Variants in KLHL34 observed in about 807,000 individuals in gnomAD.
KLHL34 encodes kelch like family member 34.
In KLHL34, 24 loss-of-function variants were observed where a neutral mutation model predicts 23.8. The ratio of observed to expected loss-of-function variants is 1.01; its 90% confidence interval spans 0.73 to 1.42. The LOEUF (loss-of-function observed/expected upper bound fraction) is 1.42. KLHL34 is among the 40% of genes most tolerant of loss of function. KLHL34 has a pLI of 0.00. For synonymous variants in KLHL34, 303 were observed against 287.9 expected (o/e 1.05, Z -0.53); for missense variants, 652 against 595.1 (o/e 1.10, Z -0.99).
At position 21,657,515 on chromosome X, in the gene KLHL34, G is replaced by C. The variant is rs1176094261; in HGVS notation, c.274C>G (p.Leu92Val). ...RLLDFIYTAW[L>V]SLSMDTVEDT... ...TCTACAGTGTCCATGGAAAGCGACA[G>C]CCAGGCAGTGTAGATGAAGTCCAGC... The change falls in exon 1 of 1, where the codon CTG (leucine) becomes GTG (valine). Residue 92 changes from leucine to valine, a missense_variant. Physicochemically the swap from Leu to Val is conservative, Grantham distance 32. Coordinates refer to ENST00000379499, the MANE Select transcript of KLHL34 (RefSeq NM_153270.3). 1.7e-6 allele frequency: 2 copies of C among 1,211,618 alleles called. No individual in the cohort carries two copies. Among genetic ancestry groups the C allele is most frequent in the South Asian group, 3.5e-5 (2 of 56,964 alleles).
Position 21,655,613 on chromosome X carries a change from C to A in KLHL34, c.*241G>T. On this transcript the variant is annotated 3_prime_UTR_variant, in exon 1 of 1. Transcript: ENST00000379499. ...TTGCGTGAGCCTTTCTAAAAATTTT[C>A]TTTCACCAGCTCACTGAAGTTGATT... The A allele has an allele frequency of 5.3e-6, 2 of 380,409 alleles. No homozygotes were observed. Among genetic ancestry groups the A allele is most frequent in the Non-Finnish European group, 4.1e-6 (1 of 245,711 alleles). The allele number at this position is 380,409 out of a possible 1,213,427, so 31.3% of individuals were successfully genotyped here.
chrX:21,655,901 C>A lies in KLHL34; in HGVS notation c.1888G>T (p.Glu630Ter). Reference protein sequence around the residue: ...VLQLAEGGDDEREGEVGEALD... With the variant: ...VLQLAEGGDD The stretch of plus-strand genomic sequence containing the variant: ...GCCTCTCCAACCTCTCCCTCCCTCT[C>A]GTCGTCCCCACCCTCGGCCAGCTGC... The change falls in exon 1 of 1, where the codon GAG (glutamate) becomes TAG (stop). Residue 630 changes from glutamate (E) to a stop codon, truncating the protein, a stop_gained. Transcript: ENST00000379499. LOFTEE classifies it low-confidence loss of function (END_TRUNC). 1 of 1,205,999 alleles carries A rather than the reference C, an allele frequency of 8.3e-7. No individual in the cohort carries two copies. The highest frequency in any genetic ancestry group is 1.1e-6 in the Non-Finnish European group (1 of 892,046).
At position 21,656,605 on chromosome X, in the gene KLHL34, A is replaced by G. The variant is rs1376533870; in HGVS notation, c.1184T>C (p.Val395Ala). Residue 395 changes from valine (V) to alanine (A), a missense_variant, in exon 1 of 1, where the codon GTG becomes GCG. Val to Ala is a moderately conservative substitution (Grantham distance 64). Transcript: ENST00000379499. The stretch of plus-strand genomic sequence containing the variant: ...GTGGAAGCGCGGGTCGTAACGGTGC[A>G]CTTGGGCCGTGACCACCCGCGAGTC... The part of the protein sequence containing the change: ...ADDSRVVTAQ[V>A]HRYDPRFHAW... The G allele has an allele frequency of 2.1e-5, 25 of 1,208,124 alleles. 1 individual carries two copies. The highest frequency in any genetic ancestry group is 3.4e-6 in the Non-Finnish European group (3 of 894,506).
Position 21,657,721 on chromosome X carries a change from C to G in KLHL34, c.68G>C (p.Arg23Pro), listed in dbSNP as rs1305544985. 1.7e-6 allele frequency: 2 copies of G among 1,202,579 alleles called. No homozygotes were observed. The highest frequency in any genetic ancestry group is 2.2e-6 in the Non-Finnish European group (2 of 893,634). The change falls in exon 1 of 1, where the codon CGC becomes CCC. Residue 23 changes from arginine to proline, a missense_variant. By Grantham distance (103) the Arg-to-Pro change is moderately radical. Coordinates refer to ENST00000379499, the MANE Select transcript of KLHL34 (RefSeq NM_153270.3). ...GALLTGYQAL[R>P]AEGFLCDVTL... ...CACGTCGCACAGGAAGCCCTCGGCGCGCAGGGCCTGGTAGCCGGTGAGCAG... is the reference window on the plus strand; with the variant it reads ...CACGTCGCACAGGAAGCCCTCGGCGGGCAGGGCCTGGTAGCCGGTGAGCAG...
In KLHL34 at chrX:21,656,507, G is replaced by T; in HGVS notation, c.1282C>A (p.Leu428Met). 8.4e-7 allele frequency: 1 copy of T among 1,197,463 alleles called. No homozygotes were observed. The highest frequency in any genetic ancestry group is 3.0e-5 in the East Asian group (1 of 33,107). ...FWCGAVGERL[L>M]AVGGLGAGGE... Reference sequence around the variant, plus strand: ...CCCGCACCCAGGCCCCCGACGGCCAGGAGCCTCTCGCCCACCGCGCCGCAC... The same window carrying T: ...CCCGCACCCAGGCCCCCGACGGCCATGAGCCTCTCGCCCACCGCGCCGCAC... Residue 428 changes from leucine to methionine, a missense_variant, in exon 1 of 1, where the codon CTG (leucine) becomes ATG (methionine). Coordinates refer to ENST00000379499, the MANE Select transcript of KLHL34 (RefSeq NM_153270.3).
At position 21,656,745 on chromosome X, in the gene KLHL34, G is replaced by T. The variant is rs760684382; in HGVS notation, c.1044C>A (p.Ser348Arg). 1 of 1,200,332 alleles carries T rather than the reference G, an allele frequency of 8.3e-7. No individual in the cohort carries two copies. The highest frequency in any genetic ancestry group is 1.1e-6 in the Non-Finnish European group (1 of 889,866). ...AFDVYNHRWR[S>R]LTQLPTPLLG... ...GCAGTGGTGTGGGTAGCTGCGTAAG[G>T]CTGCGCCAGCGGTGATTGTACACAT... Residue 348 changes from serine to arginine, a missense_variant, in exon 1 of 1, where the codon AGC becomes AGA. Coordinates refer to ENST00000379499, the MANE Select transcript of KLHL34 (RefSeq NM_153270.3).
rs758371599 is a variant in KLHL34, at chrX:21,657,716, C to A, written c.73G>T (p.Glu25Ter). Residue 25 changes from glutamate to a stop codon, truncating the protein, a stop_gained, in exon 1 of 1, where the codon GAG becomes TAG. Coordinates refer to ENST00000379499, the MANE Select transcript of KLHL34 (RefSeq NM_153270.3). LOFTEE classifies it high-confidence loss of function. ...LLTGYQALRA[E>*]GFLCDVTLET... Reference sequence around the variant, plus strand: ...AGTGTCACGTCGCACAGGAAGCCCTCGGCGCGCAGGGCCTGGTAGCCGGTG... The same window carrying A: ...AGTGTCACGTCGCACAGGAAGCCCTAGGCGCGCAGGGCCTGGTAGCCGGTG... 1.7e-5 allele frequency: 20 copies of A among 1,202,720 alleles called. No homozygotes were observed. The highest frequency in any genetic ancestry group is 1.7e-5 in the African/African-American group (1 of 57,319).
chrX:21,657,363 G>T lies in KLHL34; in HGVS notation c.426C>A (p.Gly142=). The change falls in exon 1 of 1, where the codon GGC becomes GGA. Residue 142 remains glycine, a synonymous_variant. Transcript: ENST00000379499. ...CGGCCGCGTCCAGCGTGTGAGCCAG[G>T]CCAAAGCGCGCTGCCACGTTGGCGG... ...CFAANVAARF[G]LAHTLDAAER... 8.6e-7 allele frequency: 1 copy of T among 1,162,650 alleles called. No homozygotes were observed. Among genetic ancestry groups the T allele is most frequent in the Non-Finnish European group, 1.1e-6 (1 of 870,885 alleles).
In KLHL34 at chrX:21,656,250, GC is replaced by G; in HGVS notation, c.1538del (p.Gly513AlafsTer80). On this transcript the variant is annotated frameshift_variant, in exon 1 of 1. Coordinates refer to ENST00000379499, the MANE Select transcript of KLHL34 (RefSeq NM_153270.3). LOFTEE classifies it high-confidence loss of function. ...EQVWSKKAPM[G>X]TARFGHHMAV... ...CCATGTGGTGCCCGAAACGTGCGGTGCCCATGGGTGCCTTCTTGCTCCAAAC... is the reference window on the plus strand; with the variant it reads ...CCATGTGGTGCCCGAAACGTGCGGTGCCATGGGTGCCTTCTTGCTCCAAAC... 1 of 1,200,847 alleles carries G rather than the reference GC, an allele frequency of 8.3e-7. No homozygotes were observed. The highest frequency in any genetic ancestry group is 2.2e-5 in the Admixed American group (1 of 44,879).
Position 21,656,499 on chromosome X carries a change from G to A in KLHL34, c.1290C>T (p.Val430=), listed in dbSNP as rs767832144. 2.2e-5 allele frequency: 26 copies of A among 1,197,049 alleles called. 1 individual carries two copies. In the South Asian group the frequency reaches 2.3e-4, roughly 11 times the overall value. The change falls in exon 1 of 1, where the codon GTC becomes GTT. Residue 430 remains valine (V), a synonymous_variant. Coordinates refer to ENST00000379499, the MANE Select transcript of KLHL34 (RefSeq NM_153270.3). The part of the protein sequence containing the change: ...CGAVGERLLA[V]GGLGAGGEVL... ...CCTCACCGCCCGCACCCAGGCCCCCGACGGCCAGGAGCCTCTCGCCCACCG... is the reference window on the plus strand; with the variant it reads ...CCTCACCGCCCGCACCCAGGCCCCCAACGGCCAGGAGCCTCTCGCCCACCG...
Position 21,657,338 on chromosome X carries a change from C to T in KLHL34, c.451G>A (p.Glu151Lys). Residue 151 changes from glutamate to lysine, a missense_variant, in exon 1 of 1, where the codon GAG (glutamate) becomes AAG (lysine). Glu to Lys is a moderately conservative substitution (Grantham distance 56, BLOSUM62 1). Transcript: ENST00000379499. ...TGCAAGTGGCTCACGATGCAGCGCT[C>T]GGCCGCGTCCAGCGTGTGAGCCAGG... Reference protein sequence around the residue: ...FGLAHTLDAAERCIVSHLQEL... With the variant: ...FGLAHTLDAAKRCIVSHLQEL... 1 of 1,158,746 alleles carries T rather than the reference C, an allele frequency of 8.6e-7. No individual in the cohort carries two copies. The highest frequency in any genetic ancestry group is 1.1e-6 in the Non-Finnish European group (1 of 870,160).
rs746623316 is a variant in KLHL34 at position 21,657,539 on chromosome X, G to A, written c.250C>T (p.Leu84=). 8 of 1,210,542 alleles carry A rather than the reference G, an allele frequency of 6.6e-6. No homozygotes were observed. In the Admixed American group the frequency reaches 1.7e-4, roughly 26 times the overall value. ...AGCCAGGCAGTGTAGATGAAGTCCA[G>A]CAGGCGCTGCAGGCCGGCTGCCGAT... is the stretch of plus-strand genomic sequence containing the variant. ...VPSAAGLQRL[L]DFIYTAWLSL... The change falls in exon 1 of 1, where the codon CTG becomes TTG. Residue 84 remains leucine (L), a synonymous_variant. Coordinates refer to ENST00000379499, the MANE Select transcript of KLHL34 (RefSeq NM_153270.3).
rs1009199657 is a variant in KLHL34, at chrX:21,658,032, G to A, written c.-244C>T. The A allele has an allele frequency of 1.4e-5, 5 of 364,000 alleles. No individual in the cohort carries two copies. Among genetic ancestry groups the A allele is most frequent in the Admixed American group, 1.1e-4 (2 of 18,818 alleles). The allele number at this position is 364,000 out of a possible 1,213,427, so 30.0% of individuals were successfully genotyped here. A position where few individuals can be genotyped will look rare whatever the true frequency, so the allele number is the denominator to read the frequency against. ...TCGGAGGCCCCTAGTAACGGAGGGC[G>A]CGGAATTTGGAGGCTTCCCGGGAGT... On this transcript the variant is annotated 5_prime_UTR_variant, in exon 1 of 1. Coordinates refer to ENST00000379499, the MANE Select transcript of KLHL34 (RefSeq NM_153270.3).
Position 21,657,689 on chromosome X carries a change from C to T in KLHL34, c.100G>A (p.Glu34Lys), listed in dbSNP as rs1230615330. 2 of 1,204,650 alleles carry T rather than the reference C, an allele frequency of 1.7e-6. No individual in the cohort carries two copies. The highest frequency in any genetic ancestry group is 3.0e-5 in the East Asian group (1 of 33,706). ...GCCGGGAATTCGCTGCCCTCGGTCT[C>T]CAGTGTCACGTCGCACAGGAAGCCC... The part of the protein sequence containing the change: ...AEGFLCDVTL[E>K]TEGSEFPAHR... Residue 34 changes from glutamate to lysine, a missense_variant, in exon 1 of 1, where the codon GAG (glutamate) becomes AAG (lysine). Transcript: ENST00000379499.
chrX:21,656,763 G>A lies in KLHL34; in HGVS notation c.1026C>T (p.Tyr342=), dbSNP rs2092733660. The A allele has an allele frequency of 8.4e-7, 1 of 1,197,337 alleles. No homozygotes were observed. The highest frequency in any genetic ancestry group is 1.1e-6 in the Non-Finnish European group (1 of 888,025). ...LTQNVVAFDV[Y]NHRWRSLTQL... ...GCGTAAGGCTGCGCCAGCGGTGATT[G>A]TACACATCGAAGGCCACCACGTTCT... The change falls in exon 1 of 1, where the codon TAC becomes TAT. Residue 342 remains tyrosine, a synonymous_variant. Coordinates refer to ENST00000379499, the MANE Select transcript of KLHL34 (RefSeq NM_153270.3).
Position 21,657,347 on chromosome X carries a change from C to T in KLHL34, c.442G>A (p.Asp148Asn). The T allele has an allele frequency of 8.6e-7, 1 of 1,162,000 alleles. No homozygotes were observed. The highest frequency in any genetic ancestry group is 1.1e-6 in the Non-Finnish European group (1 of 871,234). ...CTCACGATGCAGCGCTCGGCCGCGT[C>T]CAGCGTGTGAGCCAGGCCAAAGCGC... ...AARFGLAHTL[D>N]AAERCIVSHL... The change falls in exon 1 of 1, where the codon GAC becomes AAC. Residue 148 changes from aspartate (D) to asparagine (N), a missense_variant. Coordinates refer to ENST00000379499, the MANE Select transcript of KLHL34 (RefSeq NM_153270.3).
rs749821216 is a variant in KLHL34, at chrX:21,657,206, G to A, written c.583C>T (p.Arg195Trp). Residue 195 changes from arginine (R) to tryptophan (W), a missense_variant, in exon 1 of 1, where the codon CGG becomes TGG. Transcript: ENST00000379499. The stretch of plus-strand genomic sequence containing the variant: ...CAAGCTAACGCCAGGCCCAGTAGCC[G>A]GGCCTCGGGCACCCGCGCCACGTCG... The part of the protein sequence containing the change: ...APDVARVPEA[R>W]LLGLALAWLR... 5 of 1,198,814 alleles carry A rather than the reference G, an allele frequency of 4.2e-6. No homozygotes were observed. The Admixed American group carries it at 6.7e-5, about 16-fold the overall frequency.
Position 21,657,423 on chromosome X carries a change from C to A in KLHL34, c.366G>T (p.Leu122Phe). The change falls in exon 1 of 1, where the codon TTG (leucine) becomes TTT (phenylalanine). Residue 122 changes from leucine (L) to phenylalanine (F), a missense_variant. Coordinates refer to ENST00000379499, the MANE Select transcript of KLHL34 (RefSeq NM_153270.3). The stretch of plus-strand genomic sequence containing the variant: ...AGTTCTCTGGAGCCAGCTGGCGCTC[C>A]AAGTAGCGCCCACAGAGCCCCAGGG... ...TEALGLCGRYLERQLAPENCC... is the reference protein window; with the variant it reads ...TEALGLCGRYFERQLAPENCC... 1 of 1,190,781 alleles carries A rather than the reference C, an allele frequency of 8.4e-7. No homozygotes were observed. The highest frequency in any genetic ancestry group is 1.9e-5 in the South Asian group (1 of 54,037).
rs918251269 is a variant in KLHL34 at position 21,656,580 on chromosome X, G to C, written c.1209C>G (p.His403Gln). 1.7e-6 allele frequency: 2 copies of C among 1,204,375 alleles called. No homozygotes were observed. Among genetic ancestry groups the C allele is most frequent in the South Asian group, 3.6e-5 (2 of 55,727 alleles). Residue 403 changes from histidine to glutamine, a missense_variant, in exon 1 of 1, where the codon CAC becomes CAG. Coordinates refer to ENST00000379499, the MANE Select transcript of KLHL34 (RefSeq NM_153270.3). ...AQVHRYDPRF[H>Q]AWTEVPAMRE... ...GCATGGCGGGCACTTCCGTCCAAGC[G>C]TGGAAGCGCGGGTCGTAACGGTGCA...
Sources: gnomAD v4.1 joint callset for allele counts on GRCh38, gnomAD v4.1.1 for gene constraint, MANE v1.5 for transcripts, NCBI Gene and HGNC (gene_info 2026-07-23, HGNC 2026-07-21) for gene names.